Variants in COL27A1 observed in about 807,000 individuals in gnomAD.
COL27A1 encodes collagen alpha-1(XXVII) chain.
In COL27A1, 106 loss-of-function variants were observed where a neutral mutation model predicts 251.3. The observed-to-expected ratio is 0.42, with a 90% CI of 0.36 to 0.50. The LOEUF is 0.50. COL27A1 is among the 20% of genes least tolerant of loss of function. COL27A1 has a pLI of 0.00. For synonymous variants in COL27A1, 1,000 were observed against 986.3 expected (o/e 1.01, Z -0.26); for missense variants, 2,325 against 2,522.8 (o/e 0.92, Z 1.68).
chr9:114,253,296 A>AAAGAAAGAAAGAAAGAAAGG (rs1347575601), intron 27 of COL27A1, among the ~76,000 whole-genome samples: 44 of 58,044 alleles, frequency 7.6e-4, no homozygotes, highest in African/African-American at 2.2e-3. Flanking sequence ...AGACAGAGAA[A>AAAGAAAGAAAGAAAGAAAGG]AAGAAAGAAA....
Position 114,168,466 on chromosome 9 carries a change from G to A in COL27A1, c.911G>A (p.Ser304Asn). The A allele has an allele frequency of 1.2e-6, 2 of 1,613,974 alleles. No homozygotes were observed. Among genetic ancestry groups the A allele is most frequent in the Non-Finnish European group, 1.7e-6 (2 of 1,179,952 alleles). Residue 304 changes from serine to asparagine, a missense_variant, in exon 3 of 61, where the codon AGC becomes AAC. This residue lies in a region of COL27A1 where 1,183 missense variants were observed against 1,144.1 expected (regional missense o/e 1.03). Coordinates refer to ENST00000356083, the MANE Select transcript of COL27A1 (RefSeq NM_032888.4). ...PATPTKPQRT[S>N]PTNPHQHMAV... ...ACGCCCACCAAGCCCCAAAGGACTA[G>A]CCCCACAAACCCTCACCAGCATATG...
chr9:114,227,606 T>C (rs1452137388), intron 14 of COL27A1, among the ~76,000 whole-genome samples: 2 of 152,008 alleles, frequency 1.3e-5, no homozygotes, highest in Non-Finnish European at 2.9e-5. Context: ...AGAGTGACAT[T>C]TAGCTATTGC....
rs552530872 is a variant in COL27A1, at chr9:114,156,929, G to C, written c.62+917G>C. 3.9e-5 allele frequency among the ~76,000 whole-genome samples: 6 copies of C among 152,226 alleles called. No homozygotes were observed. In the East Asian group the frequency reaches 1.2e-3, roughly 29 times the overall value. ...TTTCCATCCTGCCCCCAGGACACCA[G>C]GACACTCCCCAGAGGCTGTTAGGGC... On this transcript the variant is annotated intron_variant, in intron 1 of 60. Coordinates refer to ENST00000356083, the MANE Select transcript of COL27A1 (RefSeq NM_032888.4).
chr9:114,291,535 G>A (rs900447290), intron 48 of COL27A1, among the ~76,000 whole-genome samples: 4 of 152,152 alleles, frequency 2.6e-5, no homozygotes, highest in East Asian at 1.9e-4. Context: ...AATCACTTGA[G>A]GTCAGGAGTT....
intron 5 of COL27A1, among the ~76,000 whole-genome samples, chr9:114,184,126 G>C (rs1198104101): frequency 6.8e-6 from 1 of 146,318 alleles, no homozygotes. Context: ...TGTGGAGGGG[G>C]CAGATGGGCT....
rs190843303 is a variant in COL27A1 at position 114,287,841 on chromosome 9, A to G, written c.3988-614A>G. On this transcript the variant is annotated intron_variant, in intron 41 of 60. Coordinates refer to ENST00000356083, the MANE Select transcript of COL27A1 (RefSeq NM_032888.4). ...ACAGGGACTCTCGGGTTGAGGGTGA[A>G]AACTCTGAGCAGGTCCCATCATCTC... is the stretch of plus-strand genomic sequence containing the variant. Among the ~76,000 whole-genome samples the G allele has an allele frequency of 4.8e-3, 737 of 152,254 alleles. 7 individuals carry two copies. Among genetic ancestry groups the G allele is most frequent in the African/African-American group, 0.017 (704 of 41,544 alleles).
chr9:114,288,639 G>A (rs1444436580), intron 42 of COL27A1, 63 bp from the exon 43 acceptor site: 1 of 1,574,188 alleles, frequency 6.4e-7, no homozygotes, highest in Non-Finnish European at 8.7e-7. Context: ...CGGCCAACAG[G>A]GCCCAGGGCT....
In COL27A1 at chr9:114,265,245, C is replaced by T. The variant is rs902718781; in HGVS notation, c.3339+135C>T. On this transcript the variant is annotated intron_variant, in intron 31 of 60. Transcript: ENST00000356083. ...AAACCCCGCAGGTTCTGGTTGCCCA[C>T]CTGCCCTGCACTGAAGCTCCTCCAG... 3.5e-6 allele frequency: 4 copies of T among 1,129,338 alleles called. No homozygotes were observed. In the African/African-American group the frequency reaches 4.6e-5, roughly 13 times the overall value. 70.0% of individuals were successfully genotyped at this position (1,129,338 alleles called of 1,614,324 possible).
At chr9:114,172,063 C>T (rs183259058) in intron 3 of COL27A1, among the ~76,000 whole-genome samples, 6 of 152,302 alleles carry the variant, frequency 3.9e-5, no homozygotes, top group Admixed American at 6.5e-5. Context: ...CCAACCTGCC[C>T]GGGTGACATC....
At chr9:114,244,499 C>G (rs1282446034) in intron 23 of COL27A1, among the ~76,000 whole-genome samples, 4 of 152,182 alleles carry the variant, frequency 2.6e-5, no homozygotes, top group Non-Finnish European at 4.4e-5. Flanking sequence ...TTGGAGTTTT[C>G]CCAGCCATTC....
chr9:114,203,365 C>T (rs2135288700), intron 7 of COL27A1, among the ~76,000 whole-genome samples: 1 of 152,324 alleles, frequency 6.6e-6, no homozygotes, highest in Non-Finnish European at 1.5e-5. Flanking sequence ...TCTATCCTGC[C>T]ATCCCTGCTC....
chr9:114,218,840 TGG>T (rs1830884786), intron 12 of COL27A1, among the ~76,000 whole-genome samples: 1 of 152,192 alleles, frequency 6.6e-6, no homozygotes, highest in African/African-American at 2.4e-5. Context: ...GTGTACTCAC[TGG>T]ACTCCTCCAG....
chr9:114,310,245 A>AT (rs987744982), intron 60 of COL27A1, among the ~76,000 whole-genome samples: 203 of 152,070 alleles, frequency 1.3e-3, no homozygotes, highest in African/African-American at 4.7e-3. Context: ...TAAATTAAAA[A>AT]ATATATATAT....
At chr9:114,274,347 G>A (rs1443839259) in intron 36 of COL27A1, 4 of 152,202 alleles carry the variant, frequency 2.6e-5, no homozygotes, top group Non-Finnish European at 5.9e-5. Flanking sequence ...ACTGTAAAGA[G>A]GATACGCTCA....
intron 13 of COL27A1, among the ~76,000 whole-genome samples, chr9:114,221,492 T>A (rs1831109638): frequency 6.6e-6 from 1 of 152,252 alleles, no homozygotes. Context: ...TGCTTACTTC[T>A]CATTGCTAAT....
chr9:114,283,253 C>G (rs1836044263), intron 39 of COL27A1, among the ~76,000 whole-genome samples: 1 of 152,236 alleles, frequency 6.6e-6, no homozygotes, highest in African/African-American at 2.4e-5. Flanking sequence ...CGGCAGCCCT[C>G]CCTTAGGCAG....
intron 1 of COL27A1, among the ~76,000 whole-genome samples, chr9:114,156,395 A>G (rs1991707): frequency 0.41 from 62,421 of 150,542 alleles, 13,474 homozygotes; most frequent in South Asian, 0.55. Flanking sequence ...CCGGTGTCTC[A>G]GTGTCTGCAG....
At chr9:114,281,362 G>C (rs781315478) in intron 37 of COL27A1, among the ~76,000 whole-genome samples, 1 of 152,204 alleles carries the variant, frequency 6.6e-6, no homozygotes, top group African/African-American at 2.4e-5. Context: ...CACCCTTGCT[G>C]TGCAGTTTCT....
intron 7 of COL27A1, among the ~76,000 whole-genome samples, chr9:114,204,646 C>A (rs941493908): frequency 1.3e-5 from 2 of 152,066 alleles, no homozygotes; most frequent in African/African-American, 4.8e-5. Context: ...AGGGGCAGGT[C>A]TTGAAAGGGG....
Sources: allele counts gnomAD v4.1 joint callset (sites outside exome capture counted in the v4.1 genomes callset), GRCh38; gene constraint gnomAD v4.1.1; regional missense constraint gnomAD v4.1.1; transcripts MANE v1.5; gene names NCBI Gene and HGNC (gene_info 2026-07-23, HGNC 2026-07-21).